Variants in RB1 observed in about 807,000 individuals in gnomAD.
RB1 encodes the protein retinoblastoma-associated protein.
RB1 carries 18 observed loss-of-function variants against 135.4 expected under a neutral mutation model. The ratio of observed to expected loss-of-function variants is 0.13; its 90% CI spans 0.09 to 0.20. The LOEUF is 0.20. Ranked by LOEUF, RB1 falls within the 10% of genes least tolerant of loss-of-function variation. RB1 has a pLI of 1.00. For synonymous variants in RB1, 365 were observed against 373.2 expected, an observed-to-expected ratio of 0.98 and a Z score of 0.25; for missense variants, 868 against 1,110.0, an observed-to-expected ratio of 0.78 and a Z score of 3.10.
At chr13:48,352,438 T>G (rs1476663034) in intron 6 of RB1, among the ~76,000 whole-genome samples, 2 of 152,178 alleles carry the variant, frequency 1.3e-5, no homozygotes, top group African/African-American at 4.8e-5. Context: ...ATCTGTAATT[T>G]TTTTGGGGCA....
intron 17 of RB1, chr13:48,415,940 G>C (rs1019932811): frequency 2.0e-5 from 3 of 152,204 alleles, no homozygotes; most frequent in Admixed American, 6.5e-5. Flanking sequence ...GAAAAATACA[G>C]AGTAACTACT....
At chr13:48,388,947 GC>G (rs772887158) in intron 17 of RB1, among the ~76,000 whole-genome samples, 93 of 151,918 alleles carry the variant, frequency 6.1e-4, no homozygotes, top group Non-Finnish European at 1.2e-3. Context: ...ATCACTTGAG[GC>G]CAGGAGTTCG....
At chr13:48,377,055 T>C (rs1566197782) in intron 13 of RB1, 21 bp downstream of exon 13, 1 of 1,599,442 alleles carries the variant, frequency 6.3e-7, no homozygotes. Context: ...TTCATTGTAA[T>C]TCGTGGTACT....
chr13:48,412,272 T>C (rs145842102), intron 17 of RB1: 29 of 1,613,998 alleles, frequency 1.8e-5, no homozygotes, highest in Non-Finnish European at 2.4e-5. Context: ...AGTTGTAGTT[T>C]CATTTCGGAC....
intron 17 of RB1, among the ~76,000 whole-genome samples, chr13:48,385,027 G>A (rs1948562026): frequency 6.6e-6 from 1 of 152,168 alleles, no homozygotes; most frequent in South Asian, 2.1e-4. Context: ...AATGCCAGCA[G>A]GTGATGAAAT....
At chr13:48,401,720 G>A (rs1258350642) in intron 17 of RB1, among the ~76,000 whole-genome samples, 1 of 152,148 alleles carries the variant, frequency 6.6e-6, no homozygotes, top group Non-Finnish European at 1.5e-5. Flanking sequence ...CTTCCTGTAA[G>A]TGCTAGATTT....
chr13:48,437,444 A>T (rs198565), intron 17 of RB1, among the ~76,000 whole-genome samples: 139,823 of 152,290 alleles, frequency 0.92, 64,961 homozygotes, highest in East Asian at 1. Context: ...TCTCACACAA[A>T]TTCTGAAAGT....
intron 4 of RB1, 68 bp downstream of exon 4, chr13:48,345,267 G>A: frequency 1.3e-6 from 2 of 1,528,910 alleles, no homozygotes; most frequent in East Asian, 2.3e-5. Flanking sequence ...TAGATTCTGG[G>A]AATTATTTAA....
chr13:48,394,422 A>C (rs1948632553), intron 17 of RB1, among the ~76,000 whole-genome samples: 1 of 152,186 alleles, frequency 6.6e-6, no homozygotes, highest in Non-Finnish European at 1.5e-5. Context: ...TCCCCCGGAA[A>C]GGGGGCTGAA....
chr13:48,339,602 C>G (rs545485686), intron 2 of RB1, among the ~76,000 whole-genome samples: 7 of 152,280 alleles, frequency 4.6e-5, no homozygotes, highest in Admixed American at 3.9e-4. Flanking sequence ...AAGGGAATTC[C>G]GTGACCCCCT....
At chr13:48,476,554 C>A (rs1164091930) in intron 24 of RB1, 147 bp from the exon 25 acceptor site, 2 of 776,046 alleles carry the variant, frequency 2.6e-6, no homozygotes, top group African/African-American at 1.8e-5. Context: ...TTTTTCATAT[C>A]TTTTATTTGG....
chr13:48,477,494 C>A (rs1415025868), intron 26 of RB1, 90 bp downstream of exon 26: 16 of 1,071,868 alleles, frequency 1.5e-5, no homozygotes, highest in African/African-American at 3.2e-5. Flanking sequence ...TGTATAATTT[C>A]TTCAGTTGGC....
At chr13:48,328,229 CT>C in intron 2 of RB1, 1 of 1,451,126 alleles carries the variant, frequency 6.9e-7, no homozygotes, top group Non-Finnish European at 9.7e-7. Flanking sequence ...TCATCCTCAT[CT>C]TTGCTTCTGG....
chr13:48,376,660 A>G (rs943583072), intron 12 of RB1, among the ~76,000 whole-genome samples: 1 of 152,168 alleles, frequency 6.6e-6, no homozygotes, highest in Non-Finnish European at 1.5e-5. Flanking sequence ...AAAGCTTAAC[A>G]AATTTGCTCT....
At chr13:48,452,014 T>G (rs1217203956) in intron 17 of RB1, among the ~76,000 whole-genome samples, 1 of 152,068 alleles carries the variant, frequency 6.6e-6, no homozygotes, top group African/African-American at 2.4e-5. Flanking sequence ...TCCTTCTATA[T>G]TAGTCTAGCT....
intron 17 of RB1, chr13:48,413,016 C>CTTT (rs986773347): frequency 6.0e-6 from 1 of 167,638 alleles, no homozygotes; most frequent in Admixed American, 6.5e-5. Context: ...GCAGAAGAGT[C>CTTT]TTTTAAAGAT....
intron 2 of RB1, chr13:48,317,599 C>T (rs758817610): frequency 9.0e-6 from 4 of 445,900 alleles, no homozygotes; most frequent in Non-Finnish European, 1.5e-5. Flanking sequence ...CCCTCGTGAG[C>T]GCTGGTCTTT....
At chr13:48,317,740 T>C in intron 2 of RB1, 1 of 467,014 alleles carries the variant, frequency 2.1e-6, no homozygotes, top group South Asian at 2.4e-5. Flanking sequence ...GCTGAACAGG[T>C]CGGCTGTGCC....
At chr13:48,331,457 G>A (rs1160218737) in intron 2 of RB1, among the ~76,000 whole-genome samples, 1 of 152,090 alleles carries the variant, frequency 6.6e-6, no homozygotes, top group Non-Finnish European at 1.5e-5. Flanking sequence ...TGGATTAATT[G>A]GTTTTCCTGA....
Sources: gnomAD v4.1 joint callset for allele counts (sites outside exome capture counted in the v4.1 genomes callset) on GRCh38, gnomAD v4.1.1 for gene constraint, MANE v1.5 for transcripts, NCBI Gene and HGNC (gene_info 2026-07-23, HGNC 2026-07-21) for gene names.